The following FOXP1 variants were observed in gnomAD, a reference collection of about 807,000 sequenced individuals.
The protein encoded by FOXP1 is forkhead box P1.
A neutral mutation model predicts 98.2 loss-of-function variants in FOXP1; 15 were observed. The observed-to-expected ratio is 0.15, with a 90% CI of 0.10 to 0.24. The LOEUF is 0.24. Ranked by LOEUF, FOXP1 falls within the 10% of genes least tolerant of loss-of-function variation. The pLI is 1.00. For missense variants in FOXP1, 633 were observed against 848.5 expected, an observed-to-expected ratio of 0.75 and a Z score of 3.15; for synonymous variants, 371 against 314.5, an observed-to-expected ratio of 1.18 and a Z score of -1.90.
intron 3 of FOXP1, among the ~76,000 whole-genome samples, chr3:71,481,384 G>A (rs542707239): frequency 6.4e-4 from 97 of 152,310 alleles, no homozygotes; most frequent in African/African-American, 2.3e-3. Context: ...CCAACATCCT[G>A]TATGCTTATT....
intron 14 of FOXP1, among the ~76,000 whole-genome samples, chr3:70,986,637 G>T (rs955894470): frequency 4.6e-5 from 7 of 152,130 alleles, no homozygotes; most frequent in African/African-American, 1.7e-4. Context: ...TAGAAGGAGG[G>T]GTTGCTAGAA....
At chr3:71,476,461 C>T (rs1025393340) in intron 3 of FOXP1, among the ~76,000 whole-genome samples, 2 of 152,004 alleles carry the variant, frequency 1.3e-5, no homozygotes, top group Non-Finnish European at 1.5e-5. Flanking sequence ...TGTGCAGTTA[C>T]ACATCAGTTA....
intron 12 of FOXP1, among the ~76,000 whole-genome samples, chr3:71,012,526 A>G (rs1318370839): frequency 2.0e-5 from 3 of 152,198 alleles, no homozygotes; most frequent in African/African-American, 7.2e-5. Context: ...TTAAGTTTTC[A>G]ATGACTACAT....
At chr3:71,134,779 T>A (rs1032135144) in intron 6 of FOXP1, among the ~76,000 whole-genome samples, 1 of 152,174 alleles carries the variant, frequency 6.6e-6, no homozygotes, top group South Asian at 2.1e-4. Flanking sequence ...GGAAAAGCCC[T>A]CTTAAAGCTA....
chr3:71,094,784 G>A (rs1244209922), intron 7 of FOXP1, among the ~76,000 whole-genome samples: 1 of 152,216 alleles, frequency 6.6e-6, no homozygotes, highest in African/African-American at 2.4e-5. Context: ...GGGGAATGGT[G>A]GAGATGAGAG....
intron 2 of FOXP1, among the ~76,000 whole-genome samples, chr3:71,509,450 A>C (rs144548326): frequency 3.2e-4 from 48 of 152,248 alleles, no homozygotes; most frequent in Admixed American, 1.2e-3. Context: ...GCCCATCCTA[A>C]TGATCTCATT....
intron 8 of FOXP1, among the ~76,000 whole-genome samples, chr3:71,053,340 A>G (rs781630715): frequency 6.6e-6 from 1 of 152,220 alleles, no homozygotes; most frequent in Non-Finnish European, 1.5e-5. Flanking sequence ...CACACCATTT[A>G]GGAGCCATGT....
chr3:71,575,136 T>C lies in FOXP1; in HGVS notation c.-298+6413A>G, dbSNP rs981514312. On this transcript the variant is annotated intron_variant, in intron 2 of 20. Coordinates refer to ENST00000649528, the MANE Select transcript of FOXP1 (RefSeq NM_001349338.3). ...CAGGAGTCGTGCAACTGTGTCTGTG[T>C]TGGGAACAACAGCTCTGCTGTGATT... is the stretch of plus-strand genomic sequence containing the variant. 4.6e-5 allele frequency among the ~76,000 whole-genome samples: 7 copies of C among 152,290 alleles called. No individual in the cohort carries two copies. The East Asian group carries it at 9.6e-4, about 21-fold the overall frequency.
At chr3:70,966,750 G>A (rs1159414756) in intron 19 of FOXP1, among the ~76,000 whole-genome samples, 2 of 152,124 alleles carry the variant, frequency 1.3e-5, no homozygotes, top group African/African-American at 2.4e-5. Flanking sequence ...TATTTTTGGT[G>A]CCAAAGTACA....
chr3:71,138,376 T>C (rs1404670659), intron 6 of FOXP1, among the ~76,000 whole-genome samples: 6 of 152,164 alleles, frequency 3.9e-5, no homozygotes, highest in Non-Finnish European at 7.4e-5. Flanking sequence ...ACAGTGCATG[T>C]AACCTTTGTA....
intron 6 of FOXP1, among the ~76,000 whole-genome samples, chr3:71,136,354 G>T (rs4677010): frequency 0.85 from 128,901 of 152,210 alleles, 58,180 homozygotes; most frequent in Non-Finnish European, 0.99. Context: ...CGTCAACAGA[G>T]AGTACAAGGA....
At chr3:71,178,603 G>T (rs2062089203) in intron 6 of FOXP1, among the ~76,000 whole-genome samples, 1 of 152,016 alleles carries the variant, frequency 6.6e-6, no homozygotes, top group Admixed American at 6.6e-5. Flanking sequence ...ACAAAAATTG[G>T]CCGGGTGCGG....
intron 3 of FOXP1, among the ~76,000 whole-genome samples, chr3:71,383,668 T>G (rs560164065): frequency 6.6e-6 from 1 of 152,276 alleles, no homozygotes; most frequent in East Asian, 1.9e-4. Flanking sequence ...TGTACTTAAC[T>G]AAAAAGATCA....
At chr3:70,975,677 CA>C (rs2107270040) in intron 17 of FOXP1, among the ~76,000 whole-genome samples, 1 of 152,276 alleles carries the variant, frequency 6.6e-6, no homozygotes, top group South Asian at 2.1e-4. Flanking sequence ...TTTGTTATCA[CA>C]TGTCTCTAAA....
chr3:71,267,124 A>AGAGAGTGTGTGTGTGTGT (rs142661368), intron 5 of FOXP1, among the ~76,000 whole-genome samples: 4 of 148,298 alleles, frequency 2.7e-5, no homozygotes, highest in African/African-American at 5.0e-5. Context: ...TATGGGAGAG[A>AGAGAGTGTGTGTGTGTGT]GTGTGTGTGT....
At chr3:71,446,525 G>A (rs898119965) in intron 3 of FOXP1, among the ~76,000 whole-genome samples, 55 of 149,920 alleles carry the variant, frequency 3.7e-4, no homozygotes, top group African/African-American at 1.2e-3. Flanking sequence ...GAGGTGCCCA[G>A]GGCACCTGCT....
intron 7 of FOXP1, among the ~76,000 whole-genome samples, chr3:71,063,976 C>A (rs1013474588): frequency 2.0e-5 from 3 of 152,320 alleles, no homozygotes; most frequent in African/African-American, 7.2e-5. Flanking sequence ...CACTGACCGT[C>A]CTTCATGCAG....
At chr3:71,173,888 A>G (rs1220949840) in intron 6 of FOXP1, among the ~76,000 whole-genome samples, 1 of 152,206 alleles carries the variant, frequency 6.6e-6, no homozygotes, top group Non-Finnish European at 1.5e-5. Flanking sequence ...GAAGGATGAA[A>G]TGGGGAAGTT....
chr3:71,457,119 T>TAAA (rs201973026), intron 3 of FOXP1, among the ~76,000 whole-genome samples: 1 of 142,576 alleles, frequency 7.0e-6, no homozygotes, highest in Non-Finnish European at 1.5e-5. Flanking sequence ...CTATGAAACT[T>TAAA]AAAAAAAAAA....
Sources: allele counts gnomAD v4.1 joint callset (sites outside exome capture counted in the v4.1 genomes callset), GRCh38; gene constraint gnomAD v4.1.1; transcripts MANE v1.5; gene names NCBI Gene and HGNC (gene_info 2026-07-23, HGNC 2026-07-21).